The following KCNQ4 variants were observed in gnomAD, a reference collection of about 807,000 sequenced individuals.
The protein encoded by KCNQ4 is potassium voltage-gated channel subfamily KQT member 4.
In KCNQ4, 31 loss-of-function variants were observed where a neutral mutation model predicts 72.6. The ratio of observed to expected loss-of-function variants is 0.43; its 90% CI spans 0.32 to 0.58. KCNQ4 has a LOEUF of 0.58. KCNQ4 is among the 20% of genes least tolerant of loss of function. The probability of loss-of-function intolerance (pLI) is 0.08; values close to 1 mark genes in which losing one functional copy is unlikely to be tolerated. For synonymous variants in KCNQ4, 405 were observed against 403.7 expected (o/e 1.00, Z -0.04); for missense variants, 869 against 962.6 (o/e 0.90, Z 1.29).
intron 11 of KCNQ4, among the ~76,000 whole-genome samples, chr1:40,834,117 A>G (rs1046378070): frequency 1.4e-5 from 2 of 144,788 alleles, no homozygotes; most frequent in Non-Finnish European, 3.0e-5. Context: ...TCTCCCCTCC[A>G]TGTGCCCAGT....
At chr1:40,810,942 AT>A (rs1254219073) in intron 1 of KCNQ4, among the ~76,000 whole-genome samples, 1 of 152,194 alleles carries the variant, frequency 6.6e-6, no homozygotes, top group African/African-American at 2.4e-5. Context: ...TTCTTTTCTC[AT>A]TTGAATAACA....
rs533441257 is a variant in KCNQ4, at chr1:40,832,951, G to T, written c.1514-63G>T. 8 of 1,197,140 alleles carry T rather than the reference G, an allele frequency of 6.7e-6. 1 individual carries two copies. Among genetic ancestry groups the T allele is most frequent in the East Asian group, 2.3e-5 (1 of 42,988 alleles). The allele number at this position is 1,197,140 out of a possible 1,614,324, so 74.2% of individuals were successfully genotyped here. ...TCTACTGGTGGTTTGGCATACAAGG[G>T]TCGGATGGGAGGTTGGGAGTGGCCC... On this transcript the variant is annotated intron_variant, in intron 10 of 13. Transcript: ENST00000347132.
intron 7 of KCNQ4, among the ~76,000 whole-genome samples, chr1:40,821,680 A>G (rs927391682): frequency 5.9e-5 from 9 of 152,240 alleles, no homozygotes; most frequent in Non-Finnish European, 7.3e-5. Context: ...ACATTCTGCA[A>G]ACATTTGCAA....
At chr1:40,819,325 C>T (rs1648205306) in intron 4 of KCNQ4, 22 bp from the exon 5 acceptor site, 18 of 1,613,370 alleles carry the variant, frequency 1.1e-5, no homozygotes, top group Non-Finnish European at 1.4e-5. Flanking sequence ...CTCCTCACCG[C>T]GCCCCTCCGC....
intron 10 of KCNQ4, among the ~76,000 whole-genome samples, 188 bp downstream of exon 10, chr1:40,831,492 C>T (rs985904159): frequency 1.3e-5 from 2 of 152,182 alleles, no homozygotes; most frequent in African/African-American, 4.8e-5. Context: ...CAATGGACAT[C>T]AGACTGTTTG....
rs1449427992 is a variant in KCNQ4 at position 40,784,198 on chromosome 1, G to A, written c.105G>A (p.Glu35=). The change falls in exon 1 of 14, where the codon GAG becomes GAA. Residue 35 remains glutamate (E), a synonymous_variant. Transcript: ENST00000347132. This position sits in a 1 kb window ranked among gnomAD's most constrained non-coding sequence, Gnocchi z 4.1. ...CGGCCGTGCAGAGCGAACAGGGCGAGGCGGGCGGGGGCGGCTCCCCGCGCC... is the reference window on the plus strand; with the variant it reads ...CGGCCGTGCAGAGCGAACAGGGCGAAGCGGGCGGGGGCGGCTCCCCGCGCC... ...ALTAVQSEQG[E]AGGGGSPRRL... is the part of the protein sequence containing the mutation. 4.5e-6 allele frequency: 5 copies of A among 1,117,674 alleles called. No homozygotes were observed. Among genetic ancestry groups the A allele is most frequent in the Non-Finnish European group, 5.4e-6 (5 of 919,366 alleles). The allele number at this position is 1,117,674 out of a possible 1,614,324, so 69.2% of individuals were successfully genotyped here. A position where few individuals can be genotyped will look rare whatever the true frequency, so the allele number is the denominator to read the frequency against.
intron 8 of KCNQ4, among the ~76,000 whole-genome samples, chr1:40,823,089 A>G (rs1648357348): frequency 6.6e-6 from 1 of 152,200 alleles, no homozygotes; most frequent in Admixed American, 6.5e-5. Flanking sequence ...CTGGGGCAGG[A>G]TGCTGTGCTC....
intron 9 of KCNQ4, among the ~76,000 whole-genome samples, chr1:40,828,001 C>A (rs958132315): frequency 6.6e-6 from 1 of 152,224 alleles, no homozygotes; most frequent in Non-Finnish European, 1.5e-5. Context: ...CGCCATTTTG[C>A]AAGCCTCCTT....
intron 9 of KCNQ4, among the ~76,000 whole-genome samples, chr1:40,825,958 G>T (rs1303069888): frequency 6.6e-6 from 1 of 152,146 alleles, no homozygotes; most frequent in African/African-American, 2.4e-5. Flanking sequence ...GTATCTATCT[G>T]CCTGGGAGGG....
intron 1 of KCNQ4, among the ~76,000 whole-genome samples, chr1:40,805,393 G>T (rs1032392492): frequency 6.6e-6 from 1 of 152,070 alleles, no homozygotes; most frequent in Non-Finnish European, 1.5e-5. Context: ...TAGATGGTCC[G>T]CTTTCCACCT....
chr1:40,818,347 C>T, intron 3 of KCNQ4, 57 bp downstream of exon 3: 1 of 1,609,642 alleles, frequency 6.2e-7, no homozygotes, highest in Non-Finnish European at 8.5e-7. Context: ...AGGGTGACGC[C>T]TTTACTCCCA....
rs1455618022 is a variant in KCNQ4, at chr1:40,824,086, C to T, written c.1131-11C>T. 6.4e-7 allele frequency: 1 copy of T among 1,550,464 alleles called. No individual in the cohort carries two copies. Among genetic ancestry groups the T allele is most frequent in the Non-Finnish European group, 8.7e-7 (1 of 1,147,394 alleles). On this transcript the variant is annotated splice_polypyrimidine_tract_variant and intron_variant, in intron 8 of 13. Transcript: ENST00000347132. ...GGCCCTGCCTGCCACTGATGGTGCC[C>T]TCTCCTGCAGAGAGCTGGCCCTCTT...
chr1:40,820,722 A>T (rs1232966734), intron 7 of KCNQ4, among the ~76,000 whole-genome samples: 4 of 152,224 alleles, frequency 2.6e-5, no homozygotes, highest in Non-Finnish European at 5.9e-5. Context: ...AACATTTAGC[A>T]GGTGGGTGGG....
chr1:40,832,870 A>T (rs1648691397), intron 10 of KCNQ4, 144 bp from the exon 11 acceptor site: 1 of 555,348 alleles, frequency 1.8e-6, no homozygotes, highest in Non-Finnish European at 3.2e-6. Context: ...AGTGAGACAC[A>T]GGAGCCCCAA....
At chr1:40,791,537 A>G (rs7553872) in intron 1 of KCNQ4, among the ~76,000 whole-genome samples, 18,304 of 152,122 alleles carry the variant, frequency 0.12, 2,228 homozygotes, top group African/African-American at 0.31. Context: ...TGCCCTGGGG[A>G]TGAGGCACAG....
At chr1:40,834,678 T>A (rs1648757755) in intron 11 of KCNQ4, among the ~76,000 whole-genome samples, 1 of 151,852 alleles carries the variant, frequency 6.6e-6, no homozygotes, top group Non-Finnish European at 1.5e-5. Context: ...GCAGGGCTCT[T>A]CAAAGCACAC....
chr1:40,808,978 G>A (rs760431225), intron 1 of KCNQ4, among the ~76,000 whole-genome samples: 3 of 151,824 alleles, frequency 2.0e-5, no homozygotes, highest in Non-Finnish European at 4.4e-5. Flanking sequence ...CTTTTTCTGG[G>A]CCTGTTCTGG....
At chr1:40,785,792 C>CA (rs1557979534) in intron 1 of KCNQ4, among the ~76,000 whole-genome samples, 1 of 152,050 alleles carries the variant, frequency 6.6e-6, no homozygotes, top group East Asian at 1.9e-4. Context: ...GAACTGGGCC[C>CA]ACATAATTTC....
chr1:40,821,964 C>G (rs770931546), intron 7 of KCNQ4, among the ~76,000 whole-genome samples: 1 of 152,192 alleles, frequency 6.6e-6, no homozygotes, highest in Non-Finnish European at 1.5e-5. Flanking sequence ...ATGCGTTTTA[C>G]AGGTGAAGAA....
Sources: allele counts gnomAD v4.1 joint callset (sites outside exome capture counted in the v4.1 genomes callset), GRCh38; gene constraint gnomAD v4.1.1; non-coding constraint Gnocchi (gnomAD v3.1); transcripts MANE v1.5; gene names NCBI Gene and HGNC (gene_info 2026-07-23, HGNC 2026-07-21).